RCAN1: variants seen among roughly 807,000 people sequenced by gnomAD.
RCAN1 encodes the protein calcipressin-1.
A neutral mutation model predicts 22.9 loss-of-function variants in RCAN1; 11 were observed. That is an observed-to-expected ratio of 0.48 (90% CI 0.30 to 0.79). RCAN1 has a LOEUF of 0.79. Among genes scored for constraint, RCAN1 ranks in the 30% least tolerant of loss-of-function variants. The pLI, the probability that RCAN1 is intolerant of heterozygous loss-of-function variation, is 0.06. For synonymous variants in RCAN1, 136 were observed against 142.3 expected, an observed-to-expected ratio of 0.96 and a Z score of 0.32; for missense variants, 291 against 337.8, an observed-to-expected ratio of 0.86 and a Z score of 1.09.
chr21:34,589,735 C>T (rs574291581), intron 1 of RCAN1, among the ~76,000 whole-genome samples: 21 of 152,006 alleles, frequency 1.4e-4, no homozygotes, highest in Non-Finnish European at 3.1e-4. Flanking sequence ...CCTTTTCCTG[C>T]CCGCCTGCCT....
At chr21:34,524,965 C>T (rs1783284171) in intron 1 of RCAN1, 80 of 1,445,394 alleles carry the variant, frequency 5.5e-5, no homozygotes, top group Non-Finnish European at 7.1e-5. Context: ...AATCTTTTTA[C>T]CAGGCAAAAA....
intron 1 of RCAN1, among the ~76,000 whole-genome samples, chr21:34,553,052 A>G (rs1485219315): frequency 1.3e-5 from 2 of 152,240 alleles, no homozygotes; most frequent in Admixed American, 1.3e-4. Flanking sequence ...ACTACCTTCT[A>G]GACCATAAAT....
intron 1 of RCAN1, among the ~76,000 whole-genome samples, chr21:34,530,627 T>TGTTGTTG (rs72007592): frequency 1.2e-5 from 1 of 80,050 alleles, no homozygotes; most frequent in Non-Finnish European, 2.6e-5. Context: ...TTTTTTTTTT[T>TGTTGTTG]TTTTTTTTTT....
intron 1 of RCAN1, among the ~76,000 whole-genome samples, chr21:34,592,096 T>G (rs554653601): frequency 6.6e-6 from 1 of 152,210 alleles, no homozygotes; most frequent in Non-Finnish European, 1.5e-5. Context: ...CAAAACTCCC[T>G]GTGCTTGGGC....
At chr21:34,584,216 C>T (rs915102087) in intron 1 of RCAN1, among the ~76,000 whole-genome samples, 1 of 152,170 alleles carries the variant, frequency 6.6e-6, no homozygotes, top group Non-Finnish European at 1.5e-5. Context: ...AATATCCCTC[C>T]CTGGCCCTCA....
At chr21:34,598,586 T>G (rs1421859908) in intron 1 of RCAN1, among the ~76,000 whole-genome samples, 1 of 152,180 alleles carries the variant, frequency 6.6e-6, no homozygotes, top group African/African-American at 2.4e-5. Context: ...GTACAAGTTC[T>G]AGAAGAAAAC....
chr21:34,520,389 G>C (rs551203779), intron 3 of RCAN1, among the ~76,000 whole-genome samples: 2 of 151,966 alleles, frequency 1.3e-5, no homozygotes, highest in African/African-American at 4.8e-5. Context: ...GAGCTGCTGT[G>C]GGGGGAGCAC....
At chr21:34,526,094 T>C (rs1985029388) in intron 1 of RCAN1, among the ~76,000 whole-genome samples, 1 of 152,134 alleles carries the variant, frequency 6.6e-6, no homozygotes, top group Admixed American at 6.5e-5. Context: ...AAGAAAAGTG[T>C]AGTGATTAAA....
At chr21:34,526,703 C>G (rs1175269313) in intron 1 of RCAN1, 20 of 1,613,508 alleles carry the variant, frequency 1.2e-5, no homozygotes, top group Non-Finnish European at 1.5e-5. Context: ...GTTTGCCACA[C>G]AGGCAATCAG....
At chr21:34,613,534 C>T (rs759249249) in intron 1 of RCAN1, among the ~76,000 whole-genome samples, 1 of 152,128 alleles carries the variant, frequency 6.6e-6, no homozygotes, top group Non-Finnish European at 1.5e-5. Flanking sequence ...AAGTAAGTGC[C>T]GTCTTACGTG....
At chr21:34,578,501 AG>A (rs371776043) in intron 1 of RCAN1, among the ~76,000 whole-genome samples, 36 of 152,278 alleles carry the variant, frequency 2.4e-4, no homozygotes, top group Middle Eastern at 6.8e-3. Flanking sequence ...ATCTGTGAGC[AG>A]GGTTCCCAGG....
At chr21:34,548,149 A>G (rs1986219988) in intron 1 of RCAN1, among the ~76,000 whole-genome samples, 2 of 152,204 alleles carry the variant, frequency 1.3e-5, no homozygotes, top group South Asian at 4.1e-4. Context: ...TAGCAGCCCG[A>G]GCAGATGAAG....
chr21:34,529,968 T>G (rs1010707294), intron 1 of RCAN1, among the ~76,000 whole-genome samples: 2 of 152,322 alleles, frequency 1.3e-5, no homozygotes, highest in Non-Finnish European at 2.9e-5. Context: ...GCTGCCGCCA[T>G]GTAAGAAGTG....
At chr21:34,537,575 G>C (rs931372757) in intron 1 of RCAN1, among the ~76,000 whole-genome samples, 1 of 152,228 alleles carries the variant, frequency 6.6e-6, no homozygotes, top group Non-Finnish European at 1.5e-5. Flanking sequence ...CCTCATCACT[G>C]TCTGTGGTCT....
chr21:34,526,643 C>T (rs78148269), intron 1 of RCAN1: 22 of 1,605,774 alleles, frequency 1.4e-5, no homozygotes, highest in African/African-American at 6.7e-5. Context: ...AAGAAAATCA[C>T]GTTATATTAG....
chr21:34,596,955 G>C (rs556461725), intron 1 of RCAN1, among the ~76,000 whole-genome samples: 3 of 152,190 alleles, frequency 2.0e-5, no homozygotes, highest in Non-Finnish European at 4.4e-5. Context: ...AGGGAAATGG[G>C]AGGGGAGGAG....
At chr21:34,546,337 G>A (rs905688293) in intron 1 of RCAN1, among the ~76,000 whole-genome samples, 4 of 151,014 alleles carry the variant, frequency 2.6e-5, no homozygotes, top group Non-Finnish European at 5.9e-5. Flanking sequence ...GACTTTACAG[G>A]TATATAGTCT....
At chr21:34,607,056 C>T (rs1377522144) in intron 1 of RCAN1, among the ~76,000 whole-genome samples, 1 of 152,218 alleles carries the variant, frequency 6.6e-6, no homozygotes, top group Non-Finnish European at 1.5e-5. Context: ...AGATACCTCT[C>T]TCTTTGGCAT....
rs148929102 is a variant in RCAN1 at position 34,601,671 on chromosome 21, A to G, written c.252+13089T>C. Among the ~76,000 whole-genome samples the G allele has an allele frequency of 3.9e-3, 600 of 152,218 alleles. 3 individuals are homozygous for G. The highest frequency in any genetic ancestry group is 7.9e-3 in the African/African-American group (329 of 41,506). On this transcript the variant is annotated intron_variant, in intron 1 of 3. Coordinates refer to ENST00000313806, the MANE Select transcript of RCAN1 (RefSeq NM_004414.7). The stretch of plus-strand genomic sequence containing the variant: ...ATCTCTACTAAAAATACAAAAAATT[A>G]GCCAGGCGTGGTGGTGGGCGCCTGT...
Sources: gnomAD v4.1 joint callset for allele counts (sites outside exome capture counted in the v4.1 genomes callset) on GRCh38, gnomAD v4.1.1 for gene constraint, MANE v1.5 for transcripts, NCBI Gene and HGNC (gene_info 2026-07-23, HGNC 2026-07-21) for gene names.